The following CBLB variants were observed in gnomAD, a reference collection of about 807,000 sequenced individuals.
CBLB encodes Cbl proto-oncogene B, also known as E3 ubiquitin-protein ligase CBL-B.
In CBLB, 31 loss-of-function variants were observed where a neutral mutation model predicts 104.9. That is an observed-to-expected ratio of 0.30 (90% CI 0.22 to 0.40). The LOEUF is 0.40. Ranked by LOEUF, CBLB falls within the 10% of genes least tolerant of loss-of-function variation. The probability of loss-of-function intolerance (pLI) is 1.00; values close to 1 mark genes in which losing one functional copy is unlikely to be tolerated. For missense variants in CBLB, 1,062 were observed against 1,214.6 expected, an observed-to-expected ratio of 0.87 and a Z score of 1.87; for synonymous variants, 440 against 422.6, an observed-to-expected ratio of 1.04 and a Z score of -0.51.
chr3:105,746,160 T>TAAACCACATAAGGTCAGA, intron 5 of CBLB, 122 bp from the exon 6 acceptor site: 1 of 699,920 alleles, frequency 1.4e-6, no homozygotes, highest in Non-Finnish European at 2.4e-6. Context: ...TAATCTGACC[T>TAAACCACATAAGGTCAGA]TATGTGGTTT....
At chr3:105,681,225 G>T in intron 16 of CBLB, 1 of 547,454 alleles carries the variant, frequency 1.8e-6, no homozygotes, top group Non-Finnish European at 3.2e-6. Flanking sequence ...TGTGTTTTTA[G>T]ACTACATTTA....
intron 3 of CBLB, among the ~76,000 whole-genome samples, chr3:105,808,397 T>C (rs2083806627): frequency 6.6e-6 from 1 of 152,186 alleles, no homozygotes; most frequent in South Asian, 2.1e-4. Context: ...TAGTCTTTAT[T>C]TTACAGGTAA....
intron 3 of CBLB, among the ~76,000 whole-genome samples, chr3:105,797,216 AG>A (rs1435638556): frequency 5.3e-5 from 8 of 152,246 alleles, no homozygotes. Flanking sequence ...GGATAAAGAC[AG>A]TGTGGTACAT....
At chr3:105,840,266 T>G (rs1412476101) in intron 3 of CBLB, among the ~76,000 whole-genome samples, 2 of 152,188 alleles carry the variant, frequency 1.3e-5, no homozygotes, top group African/African-American at 2.4e-5. Context: ...AAGTAATATT[T>G]CACACATGTA....
At chr3:105,730,169 T>G (rs2074158200) in intron 9 of CBLB, among the ~76,000 whole-genome samples, 1 of 151,988 alleles carries the variant, frequency 6.6e-6, no homozygotes, top group African/African-American at 2.4e-5. Flanking sequence ...AAAAATGCAG[T>G]CTTACTGCTT....
chr3:105,673,838 T>C (rs2065330450), intron 17 of CBLB: 1 of 152,140 alleles, frequency 6.6e-6, no homozygotes, highest in South Asian at 2.1e-4. Flanking sequence ...AATCCTTCTT[T>C]CCCAAATACT....
intron 12 of CBLB, among the ~76,000 whole-genome samples, chr3:105,695,943 G>A (rs1415414737): frequency 1.1e-4 from 17 of 151,612 alleles, no homozygotes; most frequent in Non-Finnish European, 1.5e-5. Context: ...CTTATTAATG[G>A]AAGTATTAAC....
chr3:105,826,807 G>T (rs751001110), intron 3 of CBLB, among the ~76,000 whole-genome samples: 5 of 152,170 alleles, frequency 3.3e-5, no homozygotes, highest in Non-Finnish European at 7.3e-5. Context: ...GACAGGGGAT[G>T]TGGTATTAGA....
intron 3 of CBLB, among the ~76,000 whole-genome samples, chr3:105,841,495 C>T (rs2089541269): frequency 6.6e-6 from 1 of 151,728 alleles, no homozygotes; most frequent in Non-Finnish European, 1.5e-5. Context: ...CTGTATTGCC[C>T]AGGCTGGAGT....
intron 3 of CBLB, among the ~76,000 whole-genome samples, chr3:105,797,738 G>C (rs9875532): frequency 6.6e-6 from 1 of 152,174 alleles, no homozygotes; most frequent in Non-Finnish European, 1.5e-5. Context: ...GGTAACATTA[G>C]ACTTGATTTA....
intron 3 of CBLB, among the ~76,000 whole-genome samples, chr3:105,852,501 T>TA (rs951372917): frequency 1.3e-5 from 2 of 152,062 alleles, no homozygotes; most frequent in African/African-American, 2.4e-5. Flanking sequence ...GTCAAAAAGT[T>TA]AAAAAAAATT....
At chr3:105,860,695 T>C (rs1447173605) in intron 2 of CBLB, among the ~76,000 whole-genome samples, 2 of 152,220 alleles carry the variant, frequency 1.3e-5, no homozygotes, top group South Asian at 2.1e-4. Context: ...GCAAAATCCC[T>C]GCAGATTTTG....
intron 3 of CBLB, among the ~76,000 whole-genome samples, chr3:105,795,711 A>C (rs1211504765): frequency 6.6e-6 from 1 of 152,116 alleles, no homozygotes; most frequent in African/African-American, 2.4e-5. Flanking sequence ...TTCATCTTTT[A>C]TGGTGAATAC....
chr3:105,701,766 A>AC lies in CBLB; in HGVS notation c.1959+327_1959+328insG, dbSNP rs57103809. 5.9e-3 allele frequency among the ~76,000 whole-genome samples: 898 copies of AC among 151,620 alleles called. 28 individuals carry two copies. Among genetic ancestry groups the AC allele is most frequent in the East Asian group, 0.05 (257 of 5,140 alleles). ...GGGCAAGAGCGAGGCTTCGTCTCAAAAAAAAAAAAAAATGCAGGCTGATTA... is the reference window on the plus strand; with the variant it reads ...GGGCAAGAGCGAGGCTTCGTCTCAAACAAAAAAAAAAAATGCAGGCTGATTA... On this transcript the variant is annotated intron_variant, in intron 12 of 18. Transcript: ENST00000394030.
At chr3:105,691,447 C>A (rs1232806125) in intron 13 of CBLB, among the ~76,000 whole-genome samples, 2 of 152,152 alleles carry the variant, frequency 1.3e-5, no homozygotes, top group Non-Finnish European at 1.5e-5. Context: ...GTTATTCTTG[C>A]TTCATTTACA....
intron 3 of CBLB, among the ~76,000 whole-genome samples, chr3:105,813,501 T>C (rs558932995): frequency 6.6e-6 from 1 of 152,250 alleles, no homozygotes; most frequent in Non-Finnish European, 1.5e-5. Context: ...AATATTAACA[T>C]TGTCTGACTA....
intron 3 of CBLB, among the ~76,000 whole-genome samples, chr3:105,849,951 A>G (rs550500098): frequency 3.7e-4 from 57 of 152,286 alleles, no homozygotes; most frequent in African/African-American, 1.3e-3. Flanking sequence ...GCACTTCTTG[A>G]AAAGTGTACA....
At chr3:105,722,198 C>CAAAAAAAAAAAAAAAAA (rs5851468) in intron 9 of CBLB, among the ~76,000 whole-genome samples, 45 of 84,344 alleles carry the variant, frequency 5.3e-4, no homozygotes, top group Non-Finnish European at 7.8e-4. Context: ...GACCCCGTGC[C>CAAAAAAAAAAAAAAAAA]AAAAAAAAAA....
chr3:105,776,823 A>T lies in CBLB; in HGVS notation c.420-281T>A, dbSNP rs114799242. On this transcript the variant is annotated intron_variant, in intron 3 of 18. Coordinates refer to ENST00000394030, the MANE Select transcript of CBLB (RefSeq NM_170662.5). ...TTACATAATTTCACTGAGCTCACAG[A>T]TTAATGGAAGAGATGGACACTTAAA... Among the ~76,000 whole-genome samples, 1,207 of 152,314 alleles carry T rather than the reference A, an allele frequency of 7.9e-3. 9 individuals carry two copies. The highest frequency in any genetic ancestry group is 0.013 in the Non-Finnish European group (880 of 68,022).
Sources: allele counts gnomAD v4.1 joint callset (sites outside exome capture counted in the v4.1 genomes callset), GRCh38; gene constraint gnomAD v4.1.1; transcripts MANE v1.5; gene names NCBI Gene and HGNC (gene_info 2026-07-23, HGNC 2026-07-21).